MCF2: variants seen among roughly 807,000 people sequenced by gnomAD.
MCF2 encodes the protein proto-oncogene DBL.
Under a neutral mutation model 82.5 loss-of-function variants are expected in MCF2, and 44 were observed. The observed-to-expected ratio is 0.53, with a 90% CI of 0.42 to 0.69. The LOEUF (loss-of-function observed/expected upper bound fraction) is 0.69. Among genes scored for constraint, MCF2 ranks in the 30% least tolerant of loss-of-function variants. The probability of loss-of-function intolerance (pLI) is 0.00; values close to 1 mark genes in which losing one functional copy is unlikely to be tolerated. For synonymous variants in MCF2, 217 were observed against 224.9 expected, an observed-to-expected ratio of 0.96 and a Z score of 0.32; for missense variants, 623 against 663.1, an observed-to-expected ratio of 0.94 and a Z score of 0.66.
intron 1 of MCF2, among the ~76,000 whole-genome samples, chrX:139,681,665 T>C (rs1839457229): frequency 8.9e-6 from 1 of 112,206 alleles, no homozygotes; most frequent in Non-Finnish European, 1.9e-5. Flanking sequence ...TGGTAAAATA[T>C]CTAGATATAT....
chrX:139,601,710 G>A (rs780292972), intron 16 of MCF2, among the ~76,000 whole-genome samples: 33 of 111,426 alleles, frequency 3.0e-4, no homozygotes, highest in Admixed American at 2.6e-3. Context: ...CAAAAATTAT[G>A]TTCACCAAGA....
rs765738883 is a variant in MCF2, at chrX:139,585,019, TC to T, written c.2745+46del. 2.2e-5 allele frequency: 20 copies of T among 895,617 alleles called. No individual in the cohort carries two copies. In the African/African-American group the frequency reaches 4.0e-4, roughly 18 times the overall value. The allele number at this position is 895,617 out of a possible 1,213,427, so 73.8% of individuals were successfully genotyped here. On this transcript the variant is annotated intron_variant, in intron 24 of 24. Coordinates refer to ENST00000370576, the Ensembl canonical transcript of MCF2. ...CCCTATGTGCTCCACCTATATTTCA[TC>T]AGTAAAACTGCCTCAATAATTTTAA...
intron 18 of MCF2, 60 bp downstream of exon 22, chrX:139,597,400 G>T: frequency 1.1e-6 from 1 of 925,198 alleles, no homozygotes; most frequent in Non-Finnish European, 1.5e-6. Flanking sequence ...TCCAGGAGGG[G>T]AAAAGGGATG....
rs1166082813 is a variant in MCF2, at chrX:139,605,690, C to A, written c.1557+23G>T. ...AGGGATCATTCGGGAAAAGATAGGG[C>A]AAATACAATTTGAGTCGCTTACCAA... On this transcript the variant is annotated intron_variant, in intron 13 of 24. Coordinates refer to ENST00000370576, the Ensembl canonical transcript of MCF2. The A allele has an allele frequency of 3.4e-6, 4 of 1,176,982 alleles. No individual in the cohort carries two copies. In the East Asian group the frequency reaches 1.2e-4, roughly 36 times the overall value.
intron 19 of MCF2, among the ~76,000 whole-genome samples, chrX:139,595,081 G>A (rs12015427): frequency 0.013 from 1,401 of 109,200 alleles, 26 homozygotes; most frequent in African/African-American, 0.045. Flanking sequence ...GAAACAACAG[G>A]TGCTGGAGAG....
exon 4 of MCF2, chrX:139,629,790 A>G: frequency 8.3e-7 from 1 of 1,208,359 alleles, no homozygotes; most frequent in Non-Finnish European, 1.1e-6. Context: ...TCAGTTCCAA[A>G]GGACTGTAAC....
chrX:139,704,396 G>A (rs1371371569), intron 1 of MCF2, among the ~76,000 whole-genome samples: 1 of 112,414 alleles, frequency 8.9e-6, no homozygotes, highest in Non-Finnish European at 1.9e-5. Context: ...ACTTGCATAT[G>A]ATTGGCTTAT....
chrX:139,636,056 A>C (rs1398102412), intron 1 of MCF2, among the ~76,000 whole-genome samples: 1 of 112,029 alleles, frequency 8.9e-6, no homozygotes, highest in Non-Finnish European at 1.9e-5. Flanking sequence ...CACTTTTTAA[A>C]CTGTAAAAAA....
intron 6 of MCF2, among the ~76,000 whole-genome samples, chrX:139,622,033 G>GA (rs1453189585): frequency 1.8e-5 from 2 of 110,269 alleles, no homozygotes; most frequent in East Asian, 5.8e-4. Context: ...AAATTTACAA[G>GA]AAAAAAACAA....
chrX:139,587,455 C>G (rs1346945809), intron 22 of MCF2, among the ~76,000 whole-genome samples: 2 of 111,402 alleles, frequency 1.8e-5, no homozygotes, highest in Non-Finnish European at 3.8e-5. Flanking sequence ...TCCTGTCAGC[C>G]TACATGTAAT....
chrX:139,650,215 G>A (rs779792328), intron 2 of MCF2, among the ~76,000 whole-genome samples: 22 of 111,508 alleles, frequency 2.0e-4, no homozygotes, highest in East Asian at 1.4e-3. Flanking sequence ...TTAGCTAGGC[G>A]TGGTGGCACA....
intron 2 of MCF2, 129 bp downstream of exon 5, chrX:139,632,206 G>A (rs1016397748): frequency 4.5e-5 from 19 of 424,738 alleles, no homozygotes; most frequent in Non-Finnish European, 6.1e-5. Context: ...CATTTCAAAT[G>A]TATACTTTTA....
intron 3 of MCF2, among the ~76,000 whole-genome samples, chrX:139,630,131 T>C (rs944399206): frequency 1.8e-4 from 20 of 112,123 alleles, no homozygotes; most frequent in African/African-American, 6.4e-4. Context: ...AAAGATGCCA[T>C]GTATTGAGTA....
rs113208208 is a variant in MCF2 at position 139,634,969 on chromosome X, G to A, written c.52-2515C>T. On this transcript the variant is annotated intron_variant, in intron 1 of 24. Transcript: ENST00000370576. The stretch of plus-strand genomic sequence containing the variant: ...AAATTATCCAGTCATGGTGGCATGC[G>A]CCTATGGTTCCAGTTACTCAGGAGG... Among the ~76,000 whole-genome samples the A allele has an allele frequency of 4.2e-3, 466 of 111,469 alleles. 2 individuals are homozygous for A. The highest frequency in any genetic ancestry group is 0.014 in the African/African-American group (423 of 30,683).
At chrX:139,670,004 C>T (rs1044073443) in intron 1 of MCF2, among the ~76,000 whole-genome samples, 2 of 111,498 alleles carry the variant, frequency 1.8e-5, no homozygotes, top group African/African-American at 6.5e-5. Flanking sequence ...TGCGAATATG[C>T]TAAAAACATT....
At chrX:139,645,624 G>C (rs1682562724), upstream of MCF2, 9 of 1,199,104 alleles carry the variant, frequency 7.5e-6, no homozygotes, top group Non-Finnish European at 1.0e-5. Flanking sequence ...CTTCGATCCA[G>C]AATAATGGTA....
chrX:139,589,960 T>C, intron 19 of MCF2, 33 bp from the exon 24 acceptor site: 1 of 886,887 alleles, frequency 1.1e-6, no homozygotes, highest in South Asian at 2.3e-5. Flanking sequence ...TTCATGAGCA[T>C]TTTATTTTGA....
intron 1 of MCF2, among the ~76,000 whole-genome samples, chrX:139,679,631 G>T (rs1285740952): frequency 1.8e-5 from 2 of 110,560 alleles, no homozygotes; most frequent in Non-Finnish European, 3.8e-5. Flanking sequence ...TGTTACAGTA[G>T]TATTGAGCCC....
chrX:139,613,100 T>C, intron 10 of MCF2, 116 bp downstream of exon 14: 1 of 458,877 alleles, frequency 2.2e-6, no homozygotes, highest in Non-Finnish European at 3.7e-6. Context: ...AAAAAGTTAC[T>C]TGCAGGTAGA....
Sources: allele counts gnomAD v4.1 joint callset (sites outside exome capture counted in the v4.1 genomes callset), GRCh38; gene constraint gnomAD v4.1.1; transcripts MANE v1.5; gene names NCBI Gene and HGNC (gene_info 2026-07-23, HGNC 2026-07-21).